Variants in POLD3 observed in about 807,000 individuals in gnomAD.
The protein encoded by POLD3 is DNA polymerase delta 3, accessory subunit.
POLD3 carries 19 observed loss-of-function variants against 58.2 expected under a neutral mutation model. The ratio of observed to expected loss-of-function variants is 0.33; its 90% CI spans 0.23 to 0.48. The LOEUF (loss-of-function observed/expected upper bound fraction) is 0.48. Among genes scored for constraint, POLD3 ranks in the 20% least tolerant of loss-of-function variants. The pLI is 0.99. For synonymous variants in POLD3, 172 were observed against 193.5 expected (o/e 0.89, Z 0.92); for missense variants, 504 against 545.5 (o/e 0.92, Z 0.76).
intron 1 of POLD3, 64 bp from the exon 2 acceptor site, chr11:74,593,997 T>TA: frequency 2.4e-6 from 2 of 836,238 alleles, no homozygotes; most frequent in Non-Finnish European, 4.1e-6. Flanking sequence ...CAACAGACCT[T>TA]CGGGACTGAT....
chr11:74,662,708 C>T (rs2135200776), intron 4 of POLD3, among the ~76,000 whole-genome samples: 1 of 152,236 alleles, frequency 6.6e-6, no homozygotes, highest in Middle Eastern at 3.4e-3. Flanking sequence ...TCACATGCCC[C>T]CCAGGTCCAC....
Position 74,640,871 on chromosome 11 carries a change from G to A in POLD3, c.*105G>A, listed in dbSNP as rs2032895376. 7.4e-7 allele frequency: 1 copy of A among 1,359,146 alleles called. No individual in the cohort carries two copies. The highest frequency in any genetic ancestry group is 9.5e-7 in the Non-Finnish European group (1 of 1,053,546). 84.2% of individuals were successfully genotyped at this position (1,359,146 alleles called of 1,614,324 possible). ...GTTCATCTAGATCTCCACCTCACCT[G>A]TATCAAAAGACTGTTCTTTCATCCT... On this transcript the variant is annotated 3_prime_UTR_variant, in exon 12 of 12. Coordinates refer to ENST00000263681, the MANE Select transcript of POLD3 (RefSeq NM_006591.3).
intron 4 of POLD3, among the ~76,000 whole-genome samples, chr11:74,651,307 G>A (rs929166193): frequency 2.0e-5 from 3 of 152,106 alleles, no homozygotes; most frequent in African/African-American, 7.2e-5. Flanking sequence ...TCTTCTCTGG[G>A]CTTCAGTTTT....
At chr11:74,628,234 A>G (rs944934996) in intron 8 of POLD3, among the ~76,000 whole-genome samples, 6 of 152,122 alleles carry the variant, frequency 3.9e-5, no homozygotes, top group African/African-American at 1.2e-4. Context: ...TTGATAATTT[A>G]TATTTTTCTG....
intron 4 of POLD3, chr11:74,668,706 G>A (rs1284573240): frequency 2.3e-5 from 25 of 1,094,820 alleles, no homozygotes; most frequent in African/African-American, 4.8e-5. Flanking sequence ...AGGGAGAATG[G>A]GGTTAGGGGG....
At chr11:74,635,795 G>T (rs1455556217) in intron 10 of POLD3, among the ~76,000 whole-genome samples, 4 of 152,218 alleles carry the variant, frequency 2.6e-5, no homozygotes, top group Admixed American at 1.3e-4. Flanking sequence ...GGCCATCCCT[G>T]TGTACTCCCA....
At chr11:74,667,346 T>C (rs577155722) in intron 4 of POLD3, among the ~76,000 whole-genome samples, 1 of 152,062 alleles carries the variant, frequency 6.6e-6, no homozygotes, top group South Asian at 2.1e-4. Flanking sequence ...CCATCCTGGC[T>C]AACACAGTGA....
At chr11:74,607,317 C>G (rs2031721272) in intron 3 of POLD3, among the ~76,000 whole-genome samples, 1 of 149,948 alleles carries the variant, frequency 6.7e-6, no homozygotes, top group Non-Finnish European at 1.5e-5. Context: ...GGCTGGAGTG[C>G]AGTGGCGTGA....
intron 3 of POLD3, among the ~76,000 whole-genome samples, chr11:74,605,929 C>G (rs2031659145): frequency 6.6e-6 from 1 of 152,048 alleles, no homozygotes; most frequent in Admixed American, 6.6e-5. Context: ...ACAAAAAATA[C>G]AAAAATTAGC....
At chr11:74,619,209 A>T (rs1591304652) in intron 6 of POLD3, among the ~76,000 whole-genome samples, 2 of 152,126 alleles carry the variant, frequency 1.3e-5, no homozygotes, top group East Asian at 3.8e-4. Flanking sequence ...TCCCATTCTT[A>T]TACTTTATGC....
At position 74,641,638 on chromosome 11, in the gene POLD3, A is replaced by G. The variant is rs115253108; in HGVS notation, c.*872A>G. 2.9e-5 allele frequency: 29 copies of G among 985,344 alleles called. No individual in the cohort carries two copies. In the African/African-American group the frequency reaches 4.9e-4, roughly 17 times the overall value. The allele number at this position is 985,344 out of a possible 1,614,324, so 61.0% of individuals were successfully genotyped here. The stretch of plus-strand genomic sequence containing the variant: ...GAGAGTGAAACCCGTACAATGAGAT[A>G]AAGACTAAAAAGAGAAATCCCTTCC... On this transcript the variant is annotated 3_prime_UTR_variant, in exon 12 of 12. Transcript: ENST00000263681.
At chr11:74,650,065 T>C (rs549140019) in intron 4 of POLD3, among the ~76,000 whole-genome samples, 1 of 152,324 alleles carries the variant, frequency 6.6e-6, no homozygotes, top group South Asian at 2.1e-4. Context: ...TGTATCTACC[T>C]CAAGGTTATT....
chr11:74,627,278 A>G (rs2032459447), intron 8 of POLD3, among the ~76,000 whole-genome samples: 1 of 152,110 alleles, frequency 6.6e-6, no homozygotes, highest in African/African-American at 2.4e-5. Flanking sequence ...GCTTTCAACA[A>G]AAAAAGTTTA....
At chr11:74,644,027 C>T (rs2135188831), downstream of POLD3, among the ~76,000 whole-genome samples, 1 of 152,262 alleles carries the variant, frequency 6.6e-6, no homozygotes, top group African/African-American at 2.4e-5. Context: ...GGTATTTCTT[C>T]TTTGACACTC....
intron 8 of POLD3, among the ~76,000 whole-genome samples, chr11:74,627,001 A>G (rs1288736077): frequency 6.6e-6 from 1 of 152,214 alleles, no homozygotes; most frequent in Admixed American, 6.5e-5. Context: ...AAAAATGACT[A>G]TGCTACTATA....
chr11:74,604,238 T>TTC (rs1333099407), intron 2 of POLD3, among the ~76,000 whole-genome samples: 1 of 152,222 alleles, frequency 6.6e-6, no homozygotes, highest in Non-Finnish European at 1.5e-5. Context: ...TGGAGGGTTA[T>TTC]AGATGGCCAC....
intron 7 of POLD3, 78 bp downstream of exon 7, chr11:74,620,167 C>A: frequency 8.9e-7 from 1 of 1,125,386 alleles, no homozygotes; most frequent in Non-Finnish European, 1.3e-6. Context: ...GTGAAAGCCA[C>A]TTTGTCTAGT....
chr11:74,652,700 G>T, intron 4 of POLD3: 1 of 152,834 alleles, frequency 6.5e-6, no homozygotes, highest in South Asian at 1.9e-4. Flanking sequence ...ACTAAAGGAA[G>T]AATCCTCAGC....
chr11:74,594,932 A>C (rs909655467), intron 2 of POLD3, among the ~76,000 whole-genome samples: 1 of 152,212 alleles, frequency 6.6e-6, no homozygotes, highest in East Asian at 1.9e-4. Flanking sequence ...CGTCTTTGAC[A>C]TGTGGGGATT....
Sources: gnomAD v4.1 joint callset for allele counts (sites outside exome capture counted in the v4.1 genomes callset) on GRCh38, gnomAD v4.1.1 for gene constraint, MANE v1.5 for transcripts, NCBI Gene and HGNC (gene_info 2026-07-23, HGNC 2026-07-21) for gene names.